The following BIRC6 variants were observed in gnomAD, a reference collection of about 807,000 sequenced individuals.
The protein encoded by BIRC6 is baculoviral IAP repeat containing 6.
A neutral mutation model predicts 503.3 loss-of-function variants in BIRC6; 98 were observed. The observed-to-expected ratio is 0.19, with a 90% CI of 0.17 to 0.23. The LOEUF (loss-of-function observed/expected upper bound fraction) is 0.23, where lower values mean the gene tolerates loss of function less well. BIRC6 is among the 10% of genes least tolerant of loss of function. The pLI is 1.00. For missense variants in BIRC6, 5,360 were observed against 5,806.0 expected (o/e 0.92, Z 2.50); for synonymous variants, 2,240 against 2,078.7 (o/e 1.08, Z -2.11).
At chr2:32,559,385 GTTCT>G (rs976491467) in intron 65 of BIRC6, among the ~76,000 whole-genome samples, 41 of 152,198 alleles carry the variant, frequency 2.7e-4, no homozygotes, top group Non-Finnish European at 5.1e-4. Context: ...TTGTGCCTCT[GTTCT>G]TTGTCAGGCA....
At chr2:32,583,350 A>G (rs374366227) in intron 66 of BIRC6, among the ~76,000 whole-genome samples, 22 of 152,296 alleles carry the variant, frequency 1.4e-4, no homozygotes, top group Non-Finnish European at 3.1e-4. Flanking sequence ...GTAATTTACT[A>G]TCTTTCCTAA....
At chr2:32,450,210 G>A (rs2046535209) in intron 22 of BIRC6, among the ~76,000 whole-genome samples, 2 of 152,176 alleles carry the variant, frequency 1.3e-5, no homozygotes, top group Admixed American at 1.3e-4. Flanking sequence ...CGGGCACGGT[G>A]GCTCACGCCT....
At chr2:32,443,917 T>C (rs1214245747) in intron 20 of BIRC6, among the ~76,000 whole-genome samples, 1 of 152,182 alleles carries the variant, frequency 6.6e-6, no homozygotes, top group East Asian at 1.9e-4. Flanking sequence ...TTCCAGCATG[T>C]GCCAGGGAGG....
chr2:32,608,626 A>G (rs895069828), intron 72 of BIRC6, among the ~76,000 whole-genome samples: 4 of 152,030 alleles, frequency 2.6e-5, no homozygotes, highest in Admixed American at 2.6e-4. Context: ...CATGTTGGCC[A>G]GGCTGATCTT....
intron 71 of BIRC6, among the ~76,000 whole-genome samples, chr2:32,603,787 T>C (rs2062231639): frequency 6.6e-6 from 1 of 151,860 alleles, no homozygotes; most frequent in Non-Finnish European, 1.5e-5. Context: ...ATAAAAGTCT[T>C]TACTCTGAAA....
At chr2:32,411,546 C>T (rs1310980914) in intron 9 of BIRC6, among the ~76,000 whole-genome samples, 1 of 149,346 alleles carries the variant, frequency 6.7e-6, no homozygotes, top group Non-Finnish European at 1.5e-5. Context: ...GGCGTGATCT[C>T]AGCTCAGTGC....
intron 4 of BIRC6, among the ~76,000 whole-genome samples, chr2:32,390,828 C>T (rs1341309651): frequency 6.6e-6 from 1 of 152,164 alleles, no homozygotes; most frequent in Non-Finnish European, 1.5e-5. Flanking sequence ...TGCGTAATCA[C>T]TTACCCTCTT....
intron 3 of BIRC6, among the ~76,000 whole-genome samples, chr2:32,383,205 C>T (rs1430545815): frequency 6.6e-6 from 1 of 151,252 alleles, no homozygotes; most frequent in East Asian, 2.0e-4. Flanking sequence ...TGCCACCACG[C>T]CTGGCTAACT....
At chr2:32,555,790 C>G (rs2150529887) in intron 65 of BIRC6, among the ~76,000 whole-genome samples, 1 of 151,108 alleles carries the variant, frequency 6.6e-6, no homozygotes, top group Non-Finnish European at 1.5e-5. Flanking sequence ...TACAAAAGAA[C>G]AAAAAATCAA....
chr2:32,436,165 A>C lies in BIRC6; in HGVS notation c.3612A>C (p.Thr1204=). Residue 1204 remains threonine, a synonymous_variant, in exon 15 of 74, where the codon ACA becomes ACC. Transcript: ENST00000421745. ...GGCATGCTGGAATGTTGACGTTAAC[A>C]AGCCCCAAACTTGTTAAAGGTGAAG... The part of the protein sequence containing the change: ...LSGHAGMLTL[T]SPKLVKGMAG... 6.8e-7 allele frequency: 1 copy of C among 1,461,632 alleles called. No homozygotes were observed. Among genetic ancestry groups the C allele is most frequent in the Non-Finnish European group, 9.2e-7 (1 of 1,087,518 alleles). The allele number at this position is 1,461,632 out of a possible 1,614,324, so 90.5% of individuals were successfully genotyped here.
At chr2:32,447,567 C>T (rs1389605846) in intron 21 of BIRC6, among the ~76,000 whole-genome samples, 10 of 111,726 alleles carry the variant, frequency 9.0e-5, no homozygotes, top group Admixed American at 2.4e-4. Context: ...CAGAGGCGCC[C>T]CTCACCTCCC....
rs141856938 is a variant in BIRC6 at position 32,531,438 on chromosome 2, T to C, written c.12178T>C (p.Ser4060Pro). ...ATGCATGGATGGGATACTGGATGAA[T>C]CTTTGCTTGAAACCTGTCCAATTCA... The part of the protein sequence containing the change: ...DECMDGILDE[S>P]LLETCPIQSP... The change falls in exon 61 of 74, where the codon TCT becomes CCT. Residue 4060 changes from serine (S) to proline (P), a missense_variant. Transcript: ENST00000421745. The C allele has an allele frequency of 9.3e-6, 15 of 1,613,914 alleles. No homozygotes were observed. Among genetic ancestry groups the C allele is most frequent in the African/African-American group, 1.3e-5 (1 of 75,034 alleles).
intron 65 of BIRC6, among the ~76,000 whole-genome samples, chr2:32,550,725 C>T (rs1297768407): frequency 6.6e-6 from 1 of 151,934 alleles, no homozygotes; most frequent in East Asian, 1.9e-4. Context: ...TAACACTGAG[C>T]TTTTATCTTT....
At position 32,464,672 on chromosome 2, in the gene BIRC6, C is replaced by G; in HGVS notation, c.5105C>G (p.Pro1702Arg). ...ATTCCACCCACTCCAAAAACAACAC[C>G]TCTTTTTATGACTCCACCACTCACT... ...DVIPPTPKTT[P>R]LFMTPPLTPP... Residue 1702 changes from proline (P) to arginine (R), a missense_variant, in exon 25 of 74, where the codon CCT (proline) becomes CGT (arginine). Pro to Arg is a moderately radical substitution (Grantham distance 103, BLOSUM62 -2). Around this residue, in one of 16 missense-constraint regions of BIRC6, gnomAD observed 2,299 missense variants for 2,267.2 expected, o/e 1.01. Transcript: ENST00000421745. The G allele has an allele frequency of 6.2e-7, 1 of 1,613,930 alleles. No homozygotes were observed. The highest frequency in any genetic ancestry group is 8.5e-7 in the Non-Finnish European group (1 of 1,179,888).
At chr2:32,464,054 C>T (rs190852139) in intron 24 of BIRC6, among the ~76,000 whole-genome samples, 20 of 152,286 alleles carry the variant, frequency 1.3e-4, no homozygotes, top group Admixed American at 2.0e-4. Context: ...CAGTCCCCTG[C>T]GCCTCTGCCA....
At chr2:32,444,304 T>G (rs940252809) in intron 20 of BIRC6, among the ~76,000 whole-genome samples, 5 of 152,170 alleles carry the variant, frequency 3.3e-5, no homozygotes, top group African/African-American at 1.2e-4. Context: ...ATGGATATCC[T>G]AAATACCCTG....
chr2:32,535,106 A>C (rs1319345059), intron 61 of BIRC6, among the ~76,000 whole-genome samples: 3 of 145,036 alleles, frequency 2.1e-5, no homozygotes, highest in African/African-American at 7.7e-5. Context: ...CACGGGTTCC[A>C]GACCACCTGG....
chr2:32,613,691 T>TTTCTAACCC (rs1433198852), intron 73 of BIRC6, among the ~76,000 whole-genome samples: 5 of 152,214 alleles, frequency 3.3e-5, no homozygotes, highest in Non-Finnish European at 7.3e-5. Context: ...AGTATAAGCA[T>TTTCTAACCC]TTCTAACCCT....
rs151065104 is a variant in BIRC6, at chr2:32,503,904, C to G, written c.9499+668C>G. ...GCTGTGTTTTGTTTTGAGAGAGTCT[C>G]ACTCTCACCTAGGCTGGAGTGCAGT... is the stretch of plus-strand genomic sequence containing the variant. On this transcript the variant is annotated intron_variant, in intron 49 of 73. Coordinates refer to ENST00000421745, the MANE Select transcript of BIRC6 (RefSeq NM_016252.4). Among the ~76,000 whole-genome samples, 212 of 151,522 alleles carry G rather than the reference C, an allele frequency of 1.4e-3. 2 individuals are homozygous for G. The highest frequency in any genetic ancestry group is 4.9e-3 in the African/African-American group (201 of 41,304).
Sources: gnomAD v4.1 joint callset for allele counts (sites outside exome capture counted in the v4.1 genomes callset) on GRCh38, gnomAD v4.1.1 for gene constraint, gnomAD v4.1.1 regional missense constraint, MANE v1.5 for transcripts, NCBI Gene and HGNC (gene_info 2026-07-23, HGNC 2026-07-21) for gene names.